The following DYM variants were observed in gnomAD, a reference collection of about 807,000 sequenced individuals.
The protein encoded by DYM is dymeclin.
DYM carries 78 observed loss-of-function variants against 93.1 expected under a neutral mutation model. That is an observed-to-expected ratio of 0.84 (90% confidence interval 0.70 to 1.01). DYM has a LOEUF of 1.01. Ranked by LOEUF, DYM falls within the 50% of genes least tolerant of loss-of-function variation. The pLI, the probability that DYM is intolerant of heterozygous loss-of-function variation, is 0.00. For missense variants in DYM, 789 were observed against 845.0 expected, an observed-to-expected ratio of 0.93 and a Z score of 0.82; for synonymous variants, 321 against 319.7, an observed-to-expected ratio of 1.00 and a Z score of -0.04.
chr18:49,215,681 AAAAAG>A (rs2092998741), intron 13 of DYM, among the ~76,000 whole-genome samples: 1 of 152,352 alleles, frequency 6.6e-6, no homozygotes, highest in South Asian at 2.1e-4. Context: ...AAGTTGAACT[AAAAAG>A]AAAAACAAAT....
At chr18:49,168,883 G>A (rs1349638165) in intron 14 of DYM, among the ~76,000 whole-genome samples, 1 of 152,106 alleles carries the variant, frequency 6.6e-6, no homozygotes, top group Non-Finnish European at 1.5e-5. Context: ...AATTCAGAAG[G>A]GGGAAAGTGT....
intron 17 of DYM, among the ~76,000 whole-genome samples, chr18:49,046,376 GCA>G (rs140520791): frequency 0.021 from 2,511 of 116,812 alleles, 65 homozygotes; most frequent in African/African-American, 0.076. Flanking sequence ...ACACAGACAT[GCA>G]CACACACACA....
intron 13 of DYM, among the ~76,000 whole-genome samples, chr18:49,228,716 T>C (rs2093611899): frequency 6.6e-6 from 1 of 152,160 alleles, no homozygotes. Flanking sequence ...AGGCTACCTA[T>C]CCTTTTTCAG....
intron 14 of DYM, among the ~76,000 whole-genome samples, chr18:49,183,207 CTG>C (rs1225913497): frequency 9.0e-6 from 1 of 111,362 alleles, no homozygotes; most frequent in Non-Finnish European, 2.2e-5. Context: ...ATTTGTATCA[CTG>C]TATTTTATTT....
intron 17 of DYM, among the ~76,000 whole-genome samples, chr18:49,073,362 G>A (rs1431277836): frequency 6.6e-6 from 1 of 152,090 alleles, no homozygotes; most frequent in Non-Finnish European, 1.5e-5. Flanking sequence ...CTGAATTAAG[G>A]TAAACTTTTG....
chr18:49,221,872 A>T (rs1484528114), intron 13 of DYM, among the ~76,000 whole-genome samples: 1 of 152,066 alleles, frequency 6.6e-6, no homozygotes, highest in African/African-American at 2.4e-5. Flanking sequence ...TAAGCTGCAC[A>T]TTGTGCACAT....
At chr18:49,097,102 AACTCTT>A (rs1312309851) in intron 17 of DYM, 2 of 452,588 alleles carry the variant, frequency 4.4e-6, no homozygotes, top group Non-Finnish European at 8.2e-6. Flanking sequence ...CCTTCCCATT[AACTCTT>A]GATGATACTC....
intron 13 of DYM, among the ~76,000 whole-genome samples, chr18:49,242,286 T>C (rs2094032531): frequency 6.6e-6 from 1 of 152,172 alleles, no homozygotes; most frequent in Admixed American, 6.5e-5. Flanking sequence ...TGGTGGTGTG[T>C]GCCTGTAGTC....
At chr18:49,312,550 A>C (rs1447492643) in intron 8 of DYM, among the ~76,000 whole-genome samples, 1 of 152,222 alleles carries the variant, frequency 6.6e-6, no homozygotes, top group East Asian at 1.9e-4. Flanking sequence ...AGGTAAAGGA[A>C]GCATCCCCTA....
At chr18:49,120,078 C>CAAAAAAA (rs71165367) in intron 15 of DYM, among the ~76,000 whole-genome samples, 1 of 56,172 alleles carries the variant, frequency 1.8e-5, no homozygotes, top group Non-Finnish European at 3.9e-5. Context: ...GATCCTGTCT[C>CAAAAAAA]AAAAAAAAAA....
intron 6 of DYM, among the ~76,000 whole-genome samples, chr18:49,348,448 G>C (rs1324242081): frequency 2.0e-5 from 3 of 152,118 alleles, no homozygotes. Flanking sequence ...CTTAACACTA[G>C]AAGAAACAGT....
At chr18:49,156,167 C>T (rs530238672) in intron 15 of DYM, among the ~76,000 whole-genome samples, 1 of 152,288 alleles carries the variant, frequency 6.6e-6, no homozygotes, top group Non-Finnish European at 1.5e-5. Flanking sequence ...TTTTGATGTG[C>T]TAATTGGCCA....
intron 15 of DYM, among the ~76,000 whole-genome samples, chr18:49,130,468 A>AT (rs1189657006): frequency 2.6e-5 from 4 of 152,240 alleles, no homozygotes; most frequent in Non-Finnish European, 5.9e-5. Flanking sequence ...ACCTGAGTCC[A>AT]TAAGTCCATA....
At chr18:49,094,726 C>T (rs1408933287) in intron 17 of DYM, among the ~76,000 whole-genome samples, 3 of 152,190 alleles carry the variant, frequency 2.0e-5, no homozygotes, top group African/African-American at 7.2e-5. Context: ...GTCAATTACT[C>T]TTCCATGGGC....
chr18:49,266,437 G>A (rs185240291), intron 11 of DYM, among the ~76,000 whole-genome samples: 27 of 152,180 alleles, frequency 1.8e-4, no homozygotes, highest in Admixed American at 1.1e-3. Flanking sequence ...GCAACATGGC[G>A]AAACCCATCT....
At chr18:49,150,183 A>C (rs1000105075) in intron 15 of DYM, among the ~76,000 whole-genome samples, 2 of 152,206 alleles carry the variant, frequency 1.3e-5, no homozygotes, top group Non-Finnish European at 2.9e-5. Flanking sequence ...AATGGAACAA[A>C]AGTTAGTCTA....
chr18:49,112,415 G>A (rs989053290), intron 16 of DYM, among the ~76,000 whole-genome samples: 27 of 152,042 alleles, frequency 1.8e-4, no homozygotes, highest in Non-Finnish European at 8.8e-5. Flanking sequence ...CACTTGTATG[G>A]TGGCTACCTA....
Position 49,259,605 on chromosome 18 carries a change from T to C in DYM, c.1252-1112A>G, listed in dbSNP as rs116148871. Among the ~76,000 whole-genome samples the C allele has an allele frequency of 3.1e-3, 474 of 152,318 alleles. 4 individuals carry two copies. The highest frequency in any genetic ancestry group is 0.011 in the African/African-American group (439 of 41,564). On this transcript the variant is annotated intron_variant, in intron 11 of 17. Coordinates refer to ENST00000675505, the MANE Select transcript of DYM (RefSeq NM_001353214.3). ...ATATTTTAAAGATAACTGGAAATAATAAATTGTTAGGAAGAATTTAAACAT... is the reference window on the plus strand; with the variant it reads ...ATATTTTAAAGATAACTGGAAATAACAAATTGTTAGGAAGAATTTAAACAT...
chr18:49,253,030 T>C (rs1421707774), intron 13 of DYM, among the ~76,000 whole-genome samples: 1 of 152,188 alleles, frequency 6.6e-6, no homozygotes, highest in Non-Finnish European at 1.5e-5. Context: ...AGCAACAGCC[T>C]AGGTACTGTA....
Sources: gnomAD v4.1 joint callset for allele counts (sites outside exome capture counted in the v4.1 genomes callset) on GRCh38, gnomAD v4.1.1 for gene constraint, MANE v1.5 for transcripts, NCBI Gene and HGNC (gene_info 2026-07-23, HGNC 2026-07-21) for gene names.